Variants in ACYP2 observed in about 807,000 individuals in gnomAD.
The protein encoded by ACYP2 is acylphosphatase-2.
Under a neutral mutation model 11.2 loss-of-function variants are expected in ACYP2, and 12 were observed. The observed-to-expected ratio is 1.08, with a 90% CI of 0.69 to 1.74. The LOEUF is 1.74. Ranked by LOEUF, ACYP2 falls within the 40% of genes most tolerant of loss-of-function variation. The pLI is 0.00. For synonymous variants in ACYP2, 43 were observed against 32.2 expected (o/e 1.33, Z -1.13); for missense variants, 134 against 101.9 (o/e 1.31, Z -1.35).
intron 4 of ACYP2, among the ~76,000 whole-genome samples, chr2:54,062,406 T>G (rs1676517145): frequency 6.6e-6 from 1 of 152,216 alleles, no homozygotes; most frequent in African/African-American, 2.4e-5. Flanking sequence ...CTCCATCTCA[T>G]TTCCACTGTG....
chr2:54,027,353 C>A (rs1224881637), intron 2 of ACYP2, among the ~76,000 whole-genome samples: 1 of 152,132 alleles, frequency 6.6e-6, no homozygotes, highest in African/African-American at 2.4e-5. Flanking sequence ...CCCCAGAAGG[C>A]TGTCATGTAA....
chr2:54,197,370 G>A (rs1385273), intron 6 of ACYP2, among the ~76,000 whole-genome samples: 35,084 of 152,084 alleles, frequency 0.23, 4,235 homozygotes, highest in East Asian at 0.37. Flanking sequence ...ACTTCTCCAC[G>A]TACTCCCATC....
intron 4 of ACYP2, among the ~76,000 whole-genome samples, chr2:54,105,775 T>G (rs970074162): frequency 1.3e-5 from 2 of 152,092 alleles, no homozygotes; most frequent in Non-Finnish European, 2.9e-5. Flanking sequence ...ATTACAGGCA[T>G]GAGCCATTGC....
At chr2:54,034,588 A>G (rs938465604) in intron 2 of ACYP2, among the ~76,000 whole-genome samples, 5 of 152,206 alleles carry the variant, frequency 3.3e-5, no homozygotes, top group African/African-American at 1.2e-4. Flanking sequence ...AGATGTTTGC[A>G]CTACGATGAA....
intron 6 of ACYP2, among the ~76,000 whole-genome samples, chr2:54,245,542 T>G (rs1686909332): frequency 6.6e-6 from 1 of 152,206 alleles, no homozygotes; most frequent in Non-Finnish European, 1.5e-5. Context: ...TTTGTCTTTT[T>G]GATAATAGCT....
intron 2 of ACYP2, among the ~76,000 whole-genome samples, chr2:53,983,422 C>T (rs1671864025): frequency 6.6e-6 from 1 of 152,148 alleles, no homozygotes; most frequent in Non-Finnish European, 1.5e-5. Flanking sequence ...GGAAGAATCA[C>T]TTGAACCCAG....
intron 6 of ACYP2, among the ~76,000 whole-genome samples, chr2:54,233,545 A>G (rs1424752340): frequency 1.3e-5 from 2 of 152,034 alleles, no homozygotes; most frequent in African/African-American, 2.4e-5. Context: ...GCTCAAAGTG[A>G]TCTGCCCACC....
At chr2:54,125,712 T>C (rs1284655671) in intron 4 of ACYP2, among the ~76,000 whole-genome samples, 2 of 151,766 alleles carry the variant, frequency 1.3e-5, no homozygotes, top group Non-Finnish European at 2.9e-5. Flanking sequence ...ATCGTGCCAT[T>C]GCACTCCAGC....
At chr2:54,040,841 T>G (rs771940780) in intron 2 of ACYP2, among the ~76,000 whole-genome samples, 2 of 152,060 alleles carry the variant, frequency 1.3e-5, no homozygotes, top group East Asian at 3.9e-4. Flanking sequence ...ATGGGGAATA[T>G]AGACAACCCC....
At chr2:54,035,702 A>G (rs1213963200) in intron 2 of ACYP2, among the ~76,000 whole-genome samples, 1 of 152,216 alleles carries the variant, frequency 6.6e-6, no homozygotes. Context: ...ATGGCTACCT[A>G]TAATTTTCGG....
intron 6 of ACYP2, among the ~76,000 whole-genome samples, chr2:54,248,370 C>G (rs62139200): frequency 2.6e-5 from 4 of 152,236 alleles, no homozygotes; most frequent in Non-Finnish European, 1.5e-5. Flanking sequence ...GATTCCTACT[C>G]TACACATTTA....
chr2:54,178,634 T>C (rs1013366370), intron 6 of ACYP2, among the ~76,000 whole-genome samples: 4 of 152,214 alleles, frequency 2.6e-5, no homozygotes, highest in African/African-American at 7.2e-5. Flanking sequence ...TATTGGATAA[T>C]AGGCTTGGTG....
At chr2:54,083,073 CAA>C (rs11324402) in intron 4 of ACYP2, among the ~76,000 whole-genome samples, 2 of 140,242 alleles carry the variant, frequency 1.4e-5, no homozygotes, top group Non-Finnish European at 3.1e-5. Flanking sequence ...GACTCTGTCT[CAA>C]AAAAAAAAAG....
chr2:54,243,288 C>T (rs1221179047), intron 6 of ACYP2, among the ~76,000 whole-genome samples: 2 of 152,142 alleles, frequency 1.3e-5, no homozygotes, highest in Admixed American at 1.3e-4. Flanking sequence ...GAGCCTACTA[C>T]ACACCTAGGA....
At chr2:54,057,145 G>T in intron 3 of ACYP2, 2 of 393,076 alleles carry the variant, frequency 5.1e-6, no homozygotes, top group Non-Finnish European at 9.0e-6. Flanking sequence ...AGATTGTCTA[G>T]ATTGACTGAT....
intron 6 of ACYP2, among the ~76,000 whole-genome samples, chr2:54,148,802 G>A (rs906402066): frequency 2.0e-5 from 3 of 152,190 alleles, no homozygotes; most frequent in African/African-American, 7.2e-5. Flanking sequence ...TTCCTCTAGT[G>A]CAATATATTA....
chr2:54,016,127 C>G (rs1030992271), intron 2 of ACYP2, among the ~76,000 whole-genome samples: 4 of 151,900 alleles, frequency 2.6e-5, no homozygotes, highest in African/African-American at 7.3e-5. Context: ...TCCAAATATG[C>G]TAAGCATATT....
intron 6 of ACYP2, among the ~76,000 whole-genome samples, chr2:54,204,988 T>A (rs1685012152): frequency 6.6e-6 from 1 of 152,164 alleles, no homozygotes; most frequent in Non-Finnish European, 1.5e-5. Flanking sequence ...AGGCACCTTC[T>A]CCTTGAGTTT....
intron 4 of ACYP2, chr2:54,065,770 C>G (rs1676712864): frequency 2.9e-6 from 1 of 348,704 alleles, no homozygotes. Context: ...ATTTTGCTTT[C>G]TATTTAAGAG....
Sources: allele counts gnomAD v4.1 joint callset (sites outside exome capture counted in the v4.1 genomes callset), GRCh38; gene constraint gnomAD v4.1.1; transcripts MANE v1.5; gene names NCBI Gene and HGNC (gene_info 2026-07-23, HGNC 2026-07-21).